CDC42EP4: variants seen among roughly 807,000 people sequenced by gnomAD.
CDC42EP4 encodes CDC42 effector protein (Rho GTPase binding) 4.
Under a neutral mutation model 5.6 loss-of-function variants are expected in CDC42EP4, and 6 were observed. That is an observed-to-expected ratio of 1.07 (90% CI 0.59 to 2.12). The LOEUF (loss-of-function observed/expected upper bound fraction) is 2.12, where lower values mean the gene tolerates loss of function less well. CDC42EP4 is among the 30% of genes most tolerant of loss of function. CDC42EP4 has a pLI of 0.00. For missense variants in CDC42EP4, 490 were observed against 508.6 expected (o/e 0.96, Z 0.35); for synonymous variants, 230 against 224.2 (o/e 1.03, Z -0.23).
chr17:73,304,104 AC>A lies in CDC42EP4; in HGVS notation c.-113+7788del, dbSNP rs1219402280. On this transcript the variant is annotated intron_variant, in intron 1 of 1. Coordinates refer to ENST00000335793, the MANE Select transcript of CDC42EP4 (RefSeq NM_012121.5). ...CCACTCTAAGGAAATACTATTCTAGACCCTACCTAACCTCAGGGGTAGACCC... is the reference window on the plus strand; with the variant it reads ...CCACTCTAAGGAAATACTATTCTAGACCTACCTAACCTCAGGGGTAGACCC... 3.3e-5 allele frequency among the ~76,000 whole-genome samples: 5 copies of A among 152,240 alleles called. No individual in the cohort carries two copies. In the South Asian group the frequency reaches 8.3e-4, roughly 25 times the overall value.
At chr17:73,292,296 G>T (rs148180703) in intron 1 of CDC42EP4, among the ~76,000 whole-genome samples, 1 of 152,230 alleles carries the variant, frequency 6.6e-6, no homozygotes, top group African/African-American at 2.4e-5. Flanking sequence ...CAATGTGGCC[G>T]AATAGCAGAG....
Position 73,285,518 on chromosome 17 carries a change from G to A in CDC42EP4, c.983C>T (p.Pro328Leu), listed in dbSNP as rs748638074. The A allele has an allele frequency of 2.9e-5, 47 of 1,609,818 alleles. 1 individual carries two copies. The South Asian group carries it at 3.8e-4, about 13-fold the overall frequency. Residue 328 changes from proline (P) to leucine (L), a missense_variant, in exon 2 of 2, where the codon CCG becomes CTG. Physicochemically the swap from Pro to Leu is moderately conservative, Grantham distance 98. Coordinates refer to ENST00000335793, the MANE Select transcript of CDC42EP4 (RefSeq NM_012121.5). The surrounding 1 kb of genome is among the most constrained non-coding windows in gnomAD (Gnocchi z 6.8). ...TGAGACAGCAGCCCGGGCCCTGTCC[G>A]GCCCCCGGAAGGCAGGGCTGCGCTC... ...LEERSPAFRG[P>L]DRARAAVSRQ...
intron 1 of CDC42EP4, among the ~76,000 whole-genome samples, chr17:73,297,996 G>GA (rs34291199): frequency 0.018 from 1,852 of 103,268 alleles, 44 homozygotes; most frequent in African/African-American, 0.054. Context: ...CAACAACAGC[G>GA]AAAAAAAAAA....
intron 1 of CDC42EP4, among the ~76,000 whole-genome samples, chr17:73,298,105 A>G (rs1360364523): frequency 6.6e-6 from 1 of 152,050 alleles, no homozygotes; most frequent in East Asian, 1.9e-4. Context: ...ATCCCAGCAT[A>G]AGATGCCAAC....
rs547362762 is a variant in CDC42EP4, at chr17:73,297,001, A to AAAAAAAAAAAAAC, written c.-112-10390_-112-10389insGTTTTTTTTTTTT. ...GTCTCAAAAAAAAAAAAAAAAAAAAAAAATACACAAGGCCAAGCGCCGTGG... is the reference window on the plus strand; with the variant it reads ...GTCTCAAAAAAAAAAAAAAAAAAAAAAAAAAAAAAAAACAAATACACAAGGCCAAGCGCCGTGG... On this transcript the variant is annotated intron_variant, in intron 1 of 1. Transcript: ENST00000335793. Among the ~76,000 whole-genome samples the AAAAAAAAAAAAAC allele has an allele frequency of 3.4e-3, 211 of 61,756 alleles. 41 individuals are homozygous for AAAAAAAAAAAAAC. Among genetic ancestry groups the AAAAAAAAAAAAAC allele is most frequent in the East Asian group, 7.3e-3 (18 of 2,458 alleles). The allele number at this position is 61,756 out of a possible 152,430, so 40.5% of individuals were successfully genotyped here.
intron 1 of CDC42EP4, among the ~76,000 whole-genome samples, chr17:73,304,931 G>A (rs1599442226): frequency 6.6e-6 from 1 of 152,190 alleles, no homozygotes; most frequent in East Asian, 1.9e-4. Flanking sequence ...CAGCTGCCCT[G>A]CTTGTCTCCT....
intron 1 of CDC42EP4, chr17:73,306,795 G>A (rs1263585333): frequency 2.0e-5 from 3 of 152,336 alleles, no homozygotes; most frequent in African/African-American, 7.2e-5. Flanking sequence ...AGAGAGGAAG[G>A]ACAGGCAGGA....
At position 73,297,857 on chromosome 17, in the gene CDC42EP4, C is replaced by T. The variant is rs371963488; in HGVS notation, c.-112-11245G>A. 9.2e-5 allele frequency among the ~76,000 whole-genome samples: 14 copies of T among 152,006 alleles called. 1 individual carries two copies. The East Asian group carries it at 1.2e-3, about 13-fold the overall frequency. On this transcript the variant is annotated intron_variant, in intron 1 of 1. Transcript: ENST00000335793. Reference sequence around the variant, plus strand: ...TATTTTCAGTAAAGACGGGGTTTCCCCATGTTGACCAGGCTGGTCTTGAAC... The same window carrying T: ...TATTTTCAGTAAAGACGGGGTTTCCTCATGTTGACCAGGCTGGTCTTGAAC...
intron 1 of CDC42EP4, among the ~76,000 whole-genome samples, chr17:73,309,524 G>T (rs1025820198): frequency 1.3e-5 from 2 of 152,120 alleles, no homozygotes; most frequent in African/African-American, 4.8e-5. Context: ...GCAGCACAGT[G>T]GAGGCAGGGT....
Position 73,285,998 on chromosome 17 carries a change from C to A in CDC42EP4, c.503G>T (p.Gly168Val). 1 of 1,613,488 alleles carries A rather than the reference C, an allele frequency of 6.2e-7. No individual in the cohort carries two copies. The highest frequency in any genetic ancestry group is 8.5e-7 in the Non-Finnish European group (1 of 1,179,830). Residue 168 changes from glycine to valine, a missense_variant, in exon 2 of 2, where the codon GGG becomes GTG. Physicochemically the swap from Gly to Val is moderately radical, Grantham distance 109. Transcript: ENST00000335793. The surrounding 1 kb of genome is among the most constrained non-coding windows in gnomAD (Gnocchi z 6.8). ...GTEEAVPRRN[G>V]AAGPHSPDPL... is the part of the protein sequence containing the mutation. The stretch of plus-strand genomic sequence containing the variant: ...GTCAGGGGAATGTGGACCCGCGGCC[C>A]CATTCCGACGGGGCACTGCCTCCTC...
At chr17:73,297,576 A>G (rs927892126) in intron 1 of CDC42EP4, among the ~76,000 whole-genome samples, 2 of 152,228 alleles carry the variant, frequency 1.3e-5, no homozygotes, top group Non-Finnish European at 2.9e-5. Flanking sequence ...ATCTGTGAAT[A>G]AAGACTAAAA....
At position 73,285,426 on chromosome 17, in the gene CDC42EP4, C is replaced by T. The variant is rs374087576; in HGVS notation, c.*4G>A. The T allele has an allele frequency of 3.2e-5, 49 of 1,541,084 alleles. No homozygotes were observed. Among genetic ancestry groups the T allele is most frequent in the African/African-American group, 1.4e-4 (10 of 73,216 alleles). ...GAGCTCCCGGTGGCCACCCACTGTC[C>T]GCCTCACACACGGATTTCATCCTCC... On this transcript the variant is annotated 3_prime_UTR_variant, in exon 2 of 2. Transcript: ENST00000335793. The surrounding 1 kb of genome is among the most constrained non-coding windows in gnomAD (Gnocchi z 6.8).
At chr17:73,294,331 G>A (rs1273706117) in intron 1 of CDC42EP4, among the ~76,000 whole-genome samples, 1 of 146,532 alleles carries the variant, frequency 6.8e-6, no homozygotes, top group Non-Finnish European at 1.5e-5. Context: ...CAGCCTGGGT[G>A]ACAGAGCAAG....
At position 73,284,013 on chromosome 17, in the gene CDC42EP4, C is replaced by T. The variant is rs560876853; in HGVS notation, c.*1417G>A. On this transcript the variant is annotated 3_prime_UTR_variant, in exon 2 of 2. Coordinates refer to ENST00000335793, the MANE Select transcript of CDC42EP4 (RefSeq NM_012121.5). ...AAATAACCGGCAGTCAACCTCAGGG[C>T]TCATACCCGAGCTTCTGCTCAATCC... 2.0e-5 allele frequency: 3 copies of T among 152,358 alleles called. No homozygotes were observed. The highest frequency in any genetic ancestry group is 2.0e-4 in the Admixed American group (3 of 15,300). 9.4% of individuals were successfully genotyped at this position (152,358 alleles called of 1,614,324 possible). A position where few individuals can be genotyped will look rare whatever the true frequency, so the allele number is the denominator to read the frequency against.
Position 73,285,498 on chromosome 17 carries a change from C to T in CDC42EP4, c.1003G>A (p.Val335Ile), listed in dbSNP as rs1186039493. The change falls in exon 2 of 2, where the codon GTC (valine) becomes ATC (isoleucine). Residue 335 changes from valine to isoleucine, a missense_variant. Transcript: ENST00000335793. The surrounding 1 kb of genome is among the most constrained non-coding windows in gnomAD (Gnocchi z 6.8). ...AACTCCTTGTCTGGCTGTCTTGAGA[C>T]AGCAGCCCGGGCCCTGTCCGGCCCC... ...FRGPDRARAAVSRQPDKEFSF... is the reference protein window; with the variant it reads ...FRGPDRARAAISRQPDKEFSF... 2.5e-6 allele frequency: 4 copies of T among 1,601,554 alleles called. No homozygotes were observed. The highest frequency in any genetic ancestry group is 1.3e-5 in the African/African-American group (1 of 74,720).
chr17:73,304,419 C>T (rs1033811347), intron 1 of CDC42EP4, among the ~76,000 whole-genome samples: 3 of 151,818 alleles, frequency 2.0e-5, no homozygotes, highest in East Asian at 1.9e-4. Flanking sequence ...AGTGCTGGGA[C>T]GATAAACTTT....
At chr17:73,297,617 A>G (rs2062195509) in intron 1 of CDC42EP4, among the ~76,000 whole-genome samples, 1 of 152,186 alleles carries the variant, frequency 6.6e-6, no homozygotes, top group African/African-American at 2.4e-5. Context: ...AAGTTATGTT[A>G]GCCTTGAGAG....
intron 1 of CDC42EP4, among the ~76,000 whole-genome samples, chr17:73,293,995 C>T (rs1037683762): frequency 2.6e-5 from 4 of 152,174 alleles, no homozygotes; most frequent in African/African-American, 7.2e-5. Flanking sequence ...AAGTGTGCTG[C>T]GTGCGCAAGG....
rs373154302 is a variant in CDC42EP4 at position 73,305,617 on chromosome 17, C to G, written c.-113+6276G>C. ...CCCCACTCCCTAGGTCACAAGGTGG[C>G]CTGCCACGTGGGTCAAGTTATTTGT... On this transcript the variant is annotated intron_variant, in intron 1 of 1. Transcript: ENST00000335793. Among the ~76,000 whole-genome samples, 14 of 152,352 alleles carry G rather than the reference C, an allele frequency of 9.2e-5. No homozygotes were observed. The East Asian group carries it at 2.3e-3, about 25-fold the overall frequency.
Sources: gnomAD v4.1 joint callset for allele counts (sites outside exome capture counted in the v4.1 genomes callset) on GRCh38, gnomAD v4.1.1 for gene constraint, Gnocchi (gnomAD v3.1) non-coding constraint, MANE v1.5 for transcripts, NCBI Gene and HGNC (gene_info 2026-07-23, HGNC 2026-07-21) for gene names.